Variants in OVOL2 observed in about 807,000 individuals in gnomAD.
OVOL2 encodes ovo like zinc finger 2, also known as transcription factor Ovo-like 2.
Under a neutral mutation model 18.1 loss-of-function variants are expected in OVOL2, and 13 were observed. The observed-to-expected ratio is 0.72, with a 90% CI of 0.47 to 1.14. The LOEUF (loss-of-function observed/expected upper bound fraction) is 1.14, where lower values mean the gene tolerates loss of function less well. Ranked by LOEUF, OVOL2 falls within the 50% of genes most tolerant of loss-of-function variation. The pLI is 0.00. For synonymous variants in OVOL2, 166 were observed against 162.7 expected, an observed-to-expected ratio of 1.02 and a Z score of -0.16; for missense variants, 335 against 383.0, an observed-to-expected ratio of 0.87 and a Z score of 1.05.
rs1011838795 is a variant in OVOL2, at chr20:18,057,428, G to A, written c.100+107C>T. ...GACCCCCGCGTGCCCCCCGGAAGAG[G>A]GGGATGAGGTGGGGAGCCCGCCCCT... is the stretch of plus-strand genomic sequence containing the variant. On this transcript the variant is annotated intron_variant, in intron 1 of 3. Coordinates refer to ENST00000278780, the MANE Select transcript of OVOL2 (RefSeq NM_021220.4). The surrounding 1 kb of genome is among the most constrained non-coding windows in gnomAD (Gnocchi z 6.3). 2.3e-6 allele frequency: 3 copies of A among 1,299,530 alleles called. No homozygotes were observed. The highest frequency in any genetic ancestry group is 3.2e-6 in the Non-Finnish European group (3 of 947,276). The allele number at this position is 1,299,530 out of a possible 1,614,324, so 80.5% of individuals were successfully genotyped here.
chr20:18,043,498 G>A (rs79878537), intron 2 of OVOL2, among the ~76,000 whole-genome samples: 3,758 of 152,196 alleles, frequency 0.025, 143 homozygotes, highest in African/African-American at 0.084. Flanking sequence ...GGGGGAGCAC[G>A]GAGGAGCCAG....
At chr20:18,042,114 T>C (rs1034606192) in intron 2 of OVOL2, among the ~76,000 whole-genome samples, 2 of 151,972 alleles carry the variant, frequency 1.3e-5, no homozygotes, top group Non-Finnish European at 2.9e-5. Flanking sequence ...GGTTTCACCA[T>C]GTTGGCCAGG....
rs745439297 is a variant in OVOL2, at chr20:18,041,550, G to A, written c.495C>T (p.His165=). ...GFNDTFDLKR[H]VRTHTGIRPY... ...CCCGCTCACCTGTGTGTGTGCGGACGTGCCTCTTCAGGTCGAAGGTGTCGT... is the reference window on the plus strand; with the variant it reads ...CCCGCTCACCTGTGTGTGTGCGGACATGCCTCTTCAGGTCGAAGGTGTCGT... The change falls in exon 3 of 4, where the codon CAC becomes CAT. Residue 165 remains histidine, a synonymous_variant. Coordinates refer to ENST00000278780, the MANE Select transcript of OVOL2 (RefSeq NM_021220.4). The A allele has an allele frequency of 8.7e-6, 14 of 1,613,164 alleles. No individual in the cohort carries two copies. The highest frequency in any genetic ancestry group is 1.7e-5 in the Admixed American group (1 of 60,006).
At chr20:18,027,356 C>T (rs1600432286) in intron 3 of OVOL2, among the ~76,000 whole-genome samples, 3 of 151,916 alleles carry the variant, frequency 2.0e-5, no homozygotes, top group Non-Finnish European at 2.9e-5. Context: ...GGCGAAACCC[C>T]GTCTCTACTA....
intron 3 of OVOL2, among the ~76,000 whole-genome samples, chr20:18,041,309 G>A (rs564519598): frequency 3.3e-5 from 5 of 151,748 alleles, no homozygotes; most frequent in East Asian, 1.9e-4. Flanking sequence ...GATTACAGGC[G>A]CCACCACCAC....
chr20:18,027,720 C>T (rs1196487378), intron 3 of OVOL2, among the ~76,000 whole-genome samples: 2 of 151,620 alleles, frequency 1.3e-5, no homozygotes, highest in Admixed American at 6.6e-5. Flanking sequence ...CTCAGCCTCC[C>T]GAGTAGCTGG....
At chr20:18,038,452 G>A (rs1297173502) in intron 3 of OVOL2, among the ~76,000 whole-genome samples, 2 of 152,160 alleles carry the variant, frequency 1.3e-5, no homozygotes, top group Non-Finnish European at 2.9e-5. Flanking sequence ...CTCACAGTCA[G>A]CTAACTCAGA....
chr20:18,050,095 G>C (rs182336719), intron 2 of OVOL2, among the ~76,000 whole-genome samples: 1 of 152,132 alleles, frequency 6.6e-6, no homozygotes, highest in Admixed American at 6.6e-5. Flanking sequence ...ATGCTTTAAA[G>C]GTTCCTGTAG....
At chr20:18,027,667 C>T (rs1017257715) in intron 3 of OVOL2, among the ~76,000 whole-genome samples, 1 of 152,038 alleles carries the variant, frequency 6.6e-6, no homozygotes, top group Non-Finnish European at 1.5e-5. Context: ...ACCATCTCGG[C>T]TCACTGCAAG....
chr20:18,036,130 C>T (rs1463961335), intron 3 of OVOL2, among the ~76,000 whole-genome samples: 1 of 151,256 alleles, frequency 6.6e-6, no homozygotes. Context: ...TCCATCTCTA[C>T]TAAAAATACA....
chr20:18,051,832 A>C (rs2036774183), intron 2 of OVOL2, among the ~76,000 whole-genome samples: 1 of 152,176 alleles, frequency 6.6e-6, no homozygotes, highest in Non-Finnish European at 1.5e-5. Context: ...TCCTGGGTTC[A>C]AGCGATTCTC....
chr20:18,038,684 T>C (rs2036642017), intron 3 of OVOL2, among the ~76,000 whole-genome samples: 1 of 151,684 alleles, frequency 6.6e-6, no homozygotes, highest in Non-Finnish European at 1.5e-5. Flanking sequence ...GGTGGGGGAG[T>C]GACCACAGAG....
At chr20:18,053,529 C>T (rs963037311) in intron 2 of OVOL2, among the ~76,000 whole-genome samples, 3 of 152,018 alleles carry the variant, frequency 2.0e-5, no homozygotes, top group Non-Finnish European at 2.9e-5. Flanking sequence ...GGCGAAACTT[C>T]GTCTCTATTA....
intron 2 of OVOL2, among the ~76,000 whole-genome samples, chr20:18,054,584 A>G (rs556029823): frequency 6.6e-6 from 1 of 152,164 alleles, no homozygotes; most frequent in East Asian, 1.9e-4. Context: ...CTCTACTAAA[A>G]TTACAAAATT....
chr20:18,034,014 C>A (rs1379800215), intron 3 of OVOL2, among the ~76,000 whole-genome samples: 1 of 152,176 alleles, frequency 6.6e-6, no homozygotes, highest in East Asian at 1.9e-4. Flanking sequence ...TCCCCTCTCT[C>A]TATTTTGAGC....
chr20:18,046,869 C>A (rs1394515702), intron 2 of OVOL2, among the ~76,000 whole-genome samples: 1 of 151,380 alleles, frequency 6.6e-6, no homozygotes, highest in Non-Finnish European at 1.5e-5. Context: ...AAGTACTAGA[C>A]TAAACTTAAT....
At chr20:18,049,710 A>C (rs1298882858) in intron 2 of OVOL2, among the ~76,000 whole-genome samples, 3 of 152,198 alleles carry the variant, frequency 2.0e-5, no homozygotes, top group Non-Finnish European at 4.4e-5. Context: ...GCCCACGGCC[A>C]CATGACTTGT....
At chr20:18,048,349 A>G (rs1015440673) in intron 2 of OVOL2, among the ~76,000 whole-genome samples, 1 of 152,182 alleles carries the variant, frequency 6.6e-6, no homozygotes, top group Admixed American at 6.5e-5. Flanking sequence ...GATGGAAGAA[A>G]AGGGGAACTA....
Position 18,044,435 on chromosome 20 carries a change from C to T in OVOL2, c.322-2712G>A, listed in dbSNP as rs569026235. Among the ~76,000 whole-genome samples the T allele has an allele frequency of 8.5e-5, 13 of 152,260 alleles. No homozygotes were observed. The South Asian group carries it at 2.1e-3, about 24-fold the overall frequency. On this transcript the variant is annotated intron_variant, in intron 2 of 3. Transcript: ENST00000278780. ...CAGTGCACAATCAGTATGTGCTGAC[C>T]GGCAGCTGGGAGCAGGTGGCAGGAT... is the stretch of plus-strand genomic sequence containing the variant.
Sources: gnomAD v4.1 joint callset for allele counts (sites outside exome capture counted in the v4.1 genomes callset) on GRCh38, gnomAD v4.1.1 for gene constraint, Gnocchi (gnomAD v3.1) non-coding constraint, MANE v1.5 for transcripts, NCBI Gene and HGNC (gene_info 2026-07-23, HGNC 2026-07-21) for gene names.